MYH2: variants seen among roughly 807,000 people sequenced by gnomAD.
The protein encoded by MYH2 is myosin heavy chain 2, also known as myosin-2.
MYH2 carries 139 observed loss-of-function variants against 228.1 expected under a neutral mutation model. That is an observed-to-expected ratio of 0.61 (90% CI 0.53 to 0.70). The LOEUF (loss-of-function observed/expected upper bound fraction) is 0.70, where lower values mean the gene tolerates loss of function less well. Ranked by LOEUF, MYH2 falls within the 30% of genes least tolerant of loss-of-function variation. The pLI is 0.00. For missense variants in MYH2, 1,809 were observed against 2,357.5 expected (o/e 0.77, Z 4.82); for synonymous variants, 796 against 871.1 (o/e 0.91, Z 1.52).
rs1017228377 is a variant in MYH2 at position 10,531,642 on chromosome 17, T to C, written c.2688A>G (p.Gln896=). 2 of 1,614,220 alleles carry C rather than the reference T, an allele frequency of 1.2e-6. No individual in the cohort carries two copies. The highest frequency in any genetic ancestry group is 8.5e-7 in the Non-Finnish European group (1 of 1,180,034). ...TGATATTCCAACTCACAGCCTGAAC[T>C]TGGAGCTGCAAGTCATTTTTTTCTT... ...LLKEKNDLQL[Q]VQAEAEGLAD... The change falls in exon 22 of 40, where the codon CAA becomes CAG. Residue 896 remains glutamine, a synonymous_variant. Transcript: ENST00000245503.
At position 10,535,195 on chromosome 17, in the gene MYH2, A is replaced by AAATGC; in HGVS notation, c.2063-10_2063-6dup. 1.2e-6 allele frequency: 2 copies of AAATGC among 1,614,106 alleles called. No homozygotes were observed. Among genetic ancestry groups the AAATGC allele is most frequent in the Non-Finnish European group, 8.5e-7 (1 of 1,180,006 alleles). On this transcript the variant is annotated splice_polypyrimidine_tract_variant and splice_region_variant and intron_variant, in intron 18 of 39. Transcript: ENST00000245503. ...CAAGCTCATGCTCCATGGCACCTAA[A>AAATGC]AATGCATATTTATTTCACTGCAGAG...
At position 10,537,582 on chromosome 17, in the gene MYH2, T is replaced by A. The variant is rs749647884; in HGVS notation, c.1588-40A>T. 6 of 1,613,916 alleles carry A rather than the reference T, an allele frequency of 3.7e-6. No individual in the cohort carries two copies. The highest frequency in any genetic ancestry group is 4.2e-6 in the Non-Finnish European group (5 of 1,180,006). ...ACAACACAAAATTGTACTTCTATTT[T>A]TTTTTCTGTCTATAGAATTAAAATA... On this transcript the variant is annotated intron_variant, in intron 15 of 39. Coordinates refer to ENST00000245503, the MANE Select transcript of MYH2 (RefSeq NM_017534.6). The surrounding 1 kb of genome is among the most constrained non-coding windows in gnomAD (Gnocchi z 4.0).
In MYH2 at chr17:10,525,090, T is replaced by C; in HGVS notation, c.4663-25A>G. On this transcript the variant is annotated intron_variant, in intron 33 of 39. Coordinates refer to ENST00000245503, the MANE Select transcript of MYH2 (RefSeq NM_017534.6). The surrounding 1 kb of genome is among the most constrained non-coding windows in gnomAD (Gnocchi z 4.2). ...CCTTAATGACAGCAAGAGGTGACATTAGCAAGGAACCAAAAGCTTTATGAA... is the reference window on the plus strand; with the variant it reads ...CCTTAATGACAGCAAGAGGTGACATCAGCAAGGAACCAAAAGCTTTATGAA... 1.2e-6 allele frequency: 2 copies of C among 1,614,122 alleles called. No individual in the cohort carries two copies. Among genetic ancestry groups the C allele is most frequent in the South Asian group, 2.2e-5 (2 of 91,080 alleles).
At position 10,547,909 on chromosome 17, in the gene MYH2, GT is replaced by G. The variant is rs1208319583; in HGVS notation, c.11del (p.Asp4AlafsTer57). On this transcript the variant is annotated frameshift_variant, in exon 3 of 40. Transcript: ENST00000245503. LOFTEE classifies it high-confidence loss of function. MSS[D>X]SELAVFGEAA... Reference sequence around the variant, plus strand: ...CCTCCCCAAAAACAGCCAATTCTGAGTCTGAACTCATGGCTGCTGAACTCAG... The same window carrying G: ...CCTCCCCAAAAACAGCCAATTCTGAGCTGAACTCATGGCTGCTGAACTCAG... 2 of 1,614,184 alleles carry G rather than the reference GT, an allele frequency of 1.2e-6. No individual in the cohort carries two copies. Among genetic ancestry groups the G allele is most frequent in the Admixed American group, 3.3e-5 (2 of 60,020 alleles).
Position 10,523,139 on chromosome 17 carries a change from T to C in MYH2, c.5624A>G (p.Asp1875Gly), listed in dbSNP as rs1364758773. The change falls in exon 39 of 40, where the codon GAT becomes GGT. Residue 1875 changes from aspartate to glycine, a missense_variant. Around this residue, in one of 9 missense-constraint regions of MYH2, gnomAD observed 278 missense variants for 308.5 expected, o/e 0.90. Transcript: ENST00000245503. Reference sequence around the variant, plus strand: ...AGATTTCACTTTTGCCTGAAGTTTATCTACCAAATCTTGAAGCCTGAGAAT... The same window carrying C: ...AGATTTCACTTTTGCCTGAAGTTTACCTACCAAATCTTGAAGCCTGAGAAT... ...KNILRLQDLV[D>G]KLQAKVKSYK... 5 of 1,614,016 alleles carry C rather than the reference T, an allele frequency of 3.1e-6. No individual in the cohort carries two copies. Among genetic ancestry groups the C allele is most frequent in the Non-Finnish European group, 4.2e-6 (5 of 1,179,966 alleles).
At chr17:10,549,179 C>T (rs2073670859) in intron 2 of MYH2, among the ~76,000 whole-genome samples, 196 bp downstream of exon 2, 1 of 152,208 alleles carries the variant, frequency 6.6e-6, no homozygotes, top group African/African-American at 2.4e-5. Flanking sequence ...TGTCACCCCA[C>T]CAATGCTTGA....
At chr17:10,532,012 A>AT in intron 21 of MYH2, 124 bp from the exon 22 acceptor site, 5 of 1,255,826 alleles carry the variant, frequency 4.0e-6, no homozygotes, top group Non-Finnish European at 5.8e-6. Context: ...GCAGATGAAA[A>AT]AATTCTATTT....
intron 30 of MYH2, 133 bp downstream of exon 30, chr17:10,526,466 G>T (rs1213059890): frequency 6.4e-6 from 9 of 1,397,710 alleles, no homozygotes; most frequent in Non-Finnish European, 9.0e-6. Flanking sequence ...TATTCTCAGG[G>T]CCTGATTGTG....
At chr17:10,527,385 T>G (rs1454502695) in intron 28 of MYH2, among the ~76,000 whole-genome samples, 1 of 152,204 alleles carries the variant, frequency 6.6e-6, no homozygotes, top group Non-Finnish European at 1.5e-5. Flanking sequence ...TCCATAGGAC[T>G]TTTGAGAGAC....
In MYH2 at chr17:10,523,589, C is replaced by T. The variant is rs1042319; in HGVS notation, c.5379G>A (p.Glu1793=). 6.2e-7 allele frequency: 1 copy of T among 1,614,244 alleles called. No individual in the cohort carries two copies. The highest frequency in any genetic ancestry group is 1.1e-5 in the South Asian group (1 of 91,078). The change falls in exon 37 of 40, where the codon GAG becomes GAA. Residue 1793 remains glutamate, a synonymous_variant. Coordinates refer to ENST00000245503, the MANE Select transcript of MYH2 (RefSeq NM_017534.6). ...GGAGCTGCAGATCCTTCACGGTCTG[C>T]TCCATGTTCTTCTTCATCCGCTCCA... ...AHLERMKKNM[E]QTVKDLQLRL... is the part of the protein sequence containing the mutation.
At chr17:10,528,592 G>T in intron 27 of MYH2, 98 bp downstream of exon 27, 1 of 1,565,068 alleles carries the variant, frequency 6.4e-7, no homozygotes, top group Non-Finnish European at 8.8e-7. Flanking sequence ...AATTACTGCA[G>T]TTAACAAATG....
chr17:10,535,131 T>G lies in MYH2; in HGVS notation c.2122A>C (p.Ile708Leu). 6.2e-7 allele frequency: 1 copy of G among 1,614,176 alleles called. No individual in the cohort carries two copies. The highest frequency in any genetic ancestry group is 1.1e-5 in the South Asian group (1 of 91,086). ...QLRCNGVLEG[I>L]RICRKGFPSR... The stretch of plus-strand genomic sequence containing the variant: ...GGAAATCCTTTCCTACAGATGCGGA[T>G]GCCTTCCAGCACACCGTTACACCTC... The change falls in exon 19 of 40, where the codon ATC becomes CTC. Residue 708 changes from isoleucine (I) to leucine (L), a missense_variant. By Grantham distance (5) the Ile-to-Leu change is conservative. Coordinates refer to ENST00000245503, the MANE Select transcript of MYH2 (RefSeq NM_017534.6).
At chr17:10,538,232 T>C (rs1214813223) in intron 14 of MYH2, among the ~76,000 whole-genome samples, 1 of 151,722 alleles carries the variant, frequency 6.6e-6, no homozygotes, top group Non-Finnish European at 1.5e-5. Flanking sequence ...CTGGGAGGAG[T>C]CTATCTTGCT....
intron 22 of MYH2, 36 bp downstream of exon 22, chr17:10,531,597 C>G: frequency 6.2e-7 from 1 of 1,614,122 alleles, no homozygotes; most frequent in Non-Finnish European, 8.5e-7. Context: ...CACCTGCATC[C>G]TGGTTAGTGA....
chr17:10,536,655 C>T (rs770273828), intron 16 of MYH2, 49 bp from the exon 17 acceptor site: 3 of 1,543,374 alleles, frequency 1.9e-6, no homozygotes, highest in Non-Finnish European at 1.8e-6. Flanking sequence ...GGCAGGGCTA[C>T]TTCTTGCGTA....
rs2073503288 is a variant in MYH2 at position 10,537,990 on chromosome 17, G to C, written c.1417-155C>G. 7.2e-6 allele frequency: 10 copies of C among 1,394,568 alleles called. No homozygotes were observed. Among genetic ancestry groups the C allele is most frequent in the Non-Finnish European group, 7.7e-6 (8 of 1,032,530 alleles). The allele number at this position is 1,394,568 out of a possible 1,614,324, so 86.4% of individuals were successfully genotyped here. A position where few individuals can be genotyped will look rare whatever the true frequency, so the allele number is the denominator to read the frequency against. ...GAGACTTTGAAATAAAAGGTGAAAAGTATGGAAGGTTTGAGGGCATGTGGA... is the reference window on the plus strand; with the variant it reads ...GAGACTTTGAAATAAAAGGTGAAAACTATGGAAGGTTTGAGGGCATGTGGA... On this transcript the variant is annotated intron_variant, in intron 14 of 39. Transcript: ENST00000245503. This position sits in a 1 kb window ranked among gnomAD's most constrained non-coding sequence, Gnocchi z 4.0.
chr17:10,537,710 G>A lies in MYH2; in HGVS notation c.1542C>T (p.Ile514=), dbSNP rs1040993470. The A allele has an allele frequency of 9.9e-6, 16 of 1,614,018 alleles. No individual in the cohort carries two copies. Among genetic ancestry groups the A allele is most frequent in the Middle Eastern group, 1.6e-4 (1 of 6,084 alleles). ...AGGCAGCCAGGTCCATCCCGAAGTC[G>A]ATGAACGTCCACTCGATGCCTTCCT... ...YKKEGIEWTF[I]DFGMDLAACI... The change falls in exon 15 of 40, where the codon ATC becomes ATT. Residue 514 remains isoleucine (I), a synonymous_variant. Coordinates refer to ENST00000245503, the MANE Select transcript of MYH2 (RefSeq NM_017534.6). This position sits in a 1 kb window ranked among gnomAD's most constrained non-coding sequence, Gnocchi z 4.0.
In MYH2 at chr17:10,547,465, G is replaced by A; in HGVS notation, c.348+10C>T. ...GATGATTATACAGAGCACTGGCAGG[G>A]GACACTCACGTAGATCATCCAGGCT... On this transcript the variant is annotated intron_variant, in intron 4 of 39. Transcript: ENST00000245503. 6.2e-7 allele frequency: 1 copy of A among 1,613,986 alleles called. No homozygotes were observed. The highest frequency in any genetic ancestry group is 8.5e-7 in the Non-Finnish European group (1 of 1,179,922).
In MYH2 at chr17:10,524,730, C is replaced by T; in HGVS notation, c.4971+27G>A. On this transcript the variant is annotated intron_variant, in intron 34 of 39. Transcript: ENST00000245503. The surrounding 1 kb of genome is among the most constrained non-coding windows in gnomAD (Gnocchi z 4.7). Reference sequence around the variant, plus strand: ...CAGGGTTGCAGGCACCCCAATAGTCCTGGGACCATCTCTTGGACATATTTA... The same window carrying T: ...CAGGGTTGCAGGCACCCCAATAGTCTTGGGACCATCTCTTGGACATATTTA... 6.2e-7 allele frequency: 1 copy of T among 1,614,230 alleles called. No individual in the cohort carries two copies.
Sources: allele counts gnomAD v4.1 joint callset (sites outside exome capture counted in the v4.1 genomes callset), GRCh38; gene constraint gnomAD v4.1.1; regional missense constraint gnomAD v4.1.1; non-coding constraint Gnocchi (gnomAD v3.1); transcripts MANE v1.5; gene names NCBI Gene and HGNC (gene_info 2026-07-23, HGNC 2026-07-21).